Variants in ACTN4 observed in about 807,000 individuals in gnomAD.
ACTN4 encodes the protein alpha-actinin-4.
A neutral mutation model predicts 114.2 loss-of-function variants in ACTN4; 18 were observed. The ratio of observed to expected loss-of-function variants is 0.16; its 90% CI spans 0.11 to 0.23. The LOEUF is 0.23. ACTN4 is among the 10% of genes least tolerant of loss of function. ACTN4 has a pLI of 1.00. For synonymous variants in ACTN4, 515 were observed against 506.3 expected, an observed-to-expected ratio of 1.02 and a Z score of -0.23; for missense variants, 722 against 1,262.9, an observed-to-expected ratio of 0.57 and a Z score of 6.49.
Position 38,661,104 on chromosome 19 carries a change from C to T in ACTN4, c.162+13197C>T, listed in dbSNP as rs560741765. 6.5e-4 allele frequency among the ~76,000 whole-genome samples: 99 copies of T among 152,270 alleles called. 1 individual carries two copies. The highest frequency in any genetic ancestry group is 2.9e-3 in the Admixed American group (45 of 15,300). Reference sequence around the variant, plus strand: ...GAGCCCGTGGAAGAGATGGGCACAGCCAGATTGCTTAGAGCTGTGTTGTTA... The same window carrying T: ...GAGCCCGTGGAAGAGATGGGCACAGTCAGATTGCTTAGAGCTGTGTTGTTA... On this transcript the variant is annotated intron_variant, in intron 1 of 20. Transcript: ENST00000252699.
chr19:38,727,568 C>T lies in ACTN4; in HGVS notation c.2338-378C>T, dbSNP rs1012304414. Among the ~76,000 whole-genome samples, 2 of 152,128 alleles carry T rather than the reference C, an allele frequency of 1.3e-5. No homozygotes were observed. Among genetic ancestry groups the T allele is most frequent in the African/African-American group, 2.4e-5 (1 of 41,488 alleles). On this transcript the variant is annotated intron_variant, in intron 18 of 20. Coordinates refer to ENST00000252699, the MANE Select transcript of ACTN4 (RefSeq NM_004924.6). This position sits in a 1 kb window ranked among gnomAD's most constrained non-coding sequence, Gnocchi z 5.4. The stretch of plus-strand genomic sequence containing the variant: ...TGTGCAGCCTCAGCTCTGCACCTGG[C>T]GCCCCCAGGACAGGATACAGTCCCC...
chr19:38,653,484 T>C (rs1976628202), intron 1 of ACTN4, among the ~76,000 whole-genome samples: 1 of 152,080 alleles, frequency 6.6e-6, no homozygotes, highest in African/African-American at 2.4e-5. Context: ...AGGGCAAATA[T>C]AATTAGTGAA....
At chr19:38,699,132 G>A (rs1288465046) in intron 1 of ACTN4, among the ~76,000 whole-genome samples, 2 of 152,198 alleles carry the variant, frequency 1.3e-5, no homozygotes, top group East Asian at 3.8e-4. Context: ...TGCGTGGGCT[G>A]GTTTCCCTGA....
intron 11 of ACTN4, 101 bp from the exon 12 acceptor site, chr19:38,721,437 G>T (rs1272813605): frequency 6.5e-6 from 9 of 1,387,034 alleles, no homozygotes; most frequent in Non-Finnish European, 7.1e-6. Flanking sequence ...AGGATGTGGG[G>T]TCCACAGTCT....
chr19:38,654,340 T>C (rs1166885831), intron 1 of ACTN4, among the ~76,000 whole-genome samples: 1 of 151,968 alleles, frequency 6.6e-6, no homozygotes, highest in Non-Finnish European at 1.5e-5. Context: ...GGTAGGTGGA[T>C]CACGTGAGGT....
chr19:38,673,617 TTA>T (rs1336521803), intron 1 of ACTN4, among the ~76,000 whole-genome samples: 4 of 67,384 alleles, frequency 5.9e-5, no homozygotes, highest in Admixed American at 2.1e-4. Context: ...TCATTTATAT[TTA>T]TATATATTCA....
At chr19:38,679,258 G>T (rs1967472870) in intron 1 of ACTN4, among the ~76,000 whole-genome samples, 1 of 152,154 alleles carries the variant, frequency 6.6e-6, no homozygotes, top group South Asian at 2.1e-4. Context: ...TGTCTCCAGA[G>T]ACTGCCTGGT....
intron 1 of ACTN4, among the ~76,000 whole-genome samples, chr19:38,691,897 G>A (rs1417631020): frequency 6.6e-6 from 1 of 152,102 alleles, no homozygotes; most frequent in Non-Finnish European, 1.5e-5. Context: ...GCGAGACTCT[G>A]TCTCAAAACA....
At chr19:38,694,264 C>CTTT (rs563718301) in intron 1 of ACTN4, among the ~76,000 whole-genome samples, 2 of 143,794 alleles carry the variant, frequency 1.4e-5, no homozygotes, top group Non-Finnish European at 1.5e-5. Context: ...CTGGGGCCTT[C>CTTT]TTTTTTTTTT....
intron 1 of ACTN4, among the ~76,000 whole-genome samples, chr19:38,684,436 C>T (rs1967676638): frequency 6.6e-6 from 1 of 152,126 alleles, no homozygotes; most frequent in Non-Finnish European, 1.5e-5. Context: ...CCACCCTGGT[C>T]CCCCACCCCC....
chr19:38,713,330 C>T (rs1461745711), intron 8 of ACTN4, among the ~76,000 whole-genome samples: 1 of 152,256 alleles, frequency 6.6e-6, no homozygotes, highest in African/African-American at 2.4e-5. Context: ...TTGCGGCAGC[C>T]CCGTGCTCAC....
chr19:38,722,387 C>T (rs911251367), intron 12 of ACTN4, among the ~76,000 whole-genome samples: 9 of 152,198 alleles, frequency 5.9e-5, no homozygotes, highest in African/African-American at 2.2e-4. Flanking sequence ...GCTATAACTG[C>T]TCTTTCCACC....
rs1341697914 is a variant in ACTN4, at chr19:38,729,402, C to T, written c.2706C>T (p.Ser902=). The stretch of plus-strand genomic sequence containing the variant: ...GTGCCCTCGACTACAAGTCCTTCTC[C>T]ACGGCCTTGTATGGCGAGAGCGACC... ...VPGALDYKSF[S]TALYGESDL Residue 902 remains serine, a synonymous_variant, in exon 21 of 21, where the codon TCC becomes TCT. Transcript: ENST00000252699. The T allele has an allele frequency of 3.7e-6, 6 of 1,612,792 alleles. No individual in the cohort carries two copies. The highest frequency in any genetic ancestry group is 4.5e-5 in the East Asian group (2 of 44,878).
In ACTN4 at chr19:38,724,110, A is replaced by G. The variant is rs894316810; in HGVS notation, c.1692+33A>G. ...CCCCCCGGCCCCCCATCTTCCCAAG[A>G]GCCTCTGTGGGGCTGGGCCGCCCCC... On this transcript the variant is annotated intron_variant, in intron 14 of 20. Transcript: ENST00000252699. This position sits in a 1 kb window ranked among gnomAD's most constrained non-coding sequence, Gnocchi z 7.0. 1 of 1,613,442 alleles carries G rather than the reference A, an allele frequency of 6.2e-7. No homozygotes were observed. The highest frequency in any genetic ancestry group is 1.3e-5 in the African/African-American group (1 of 74,864).
intron 11 of ACTN4, among the ~76,000 whole-genome samples, chr19:38,718,815 CCA>C (rs1968934337): frequency 6.6e-6 from 1 of 152,230 alleles, no homozygotes; most frequent in Non-Finnish European, 1.5e-5. Context: ...CTTCCCTCTC[CCA>C]CACCTCTGTG....
At chr19:38,702,025 G>A (rs965572339) in intron 3 of ACTN4, among the ~76,000 whole-genome samples, 5 of 152,220 alleles carry the variant, frequency 3.3e-5, no homozygotes, top group African/African-American at 1.2e-4. Flanking sequence ...AGTCGAGGTG[G>A]TTGGTGTTTG....
chr19:38,673,496 T>TA (rs1568689432), intron 1 of ACTN4, among the ~76,000 whole-genome samples: 2 of 114,252 alleles, frequency 1.8e-5, no homozygotes, highest in East Asian at 4.7e-4. Context: ...TTCATATATA[T>TA]TTATATATAT....
chr19:38,691,647 A>G (rs1967934771), intron 1 of ACTN4, among the ~76,000 whole-genome samples: 1 of 152,112 alleles, frequency 6.6e-6, no homozygotes, highest in Non-Finnish European at 1.5e-5. Flanking sequence ...TCACGCCTGT[A>G]ATCCCAGCAC....
At chr19:38,670,535 C>T (rs1435924255) in intron 1 of ACTN4, among the ~76,000 whole-genome samples, 3 of 152,108 alleles carry the variant, frequency 2.0e-5, no homozygotes, top group African/African-American at 7.2e-5. Context: ...ACTGGGGTGG[C>T]CACTGCAGAG....
Sources: allele counts gnomAD v4.1 joint callset (sites outside exome capture counted in the v4.1 genomes callset), GRCh38; gene constraint gnomAD v4.1.1; non-coding constraint Gnocchi (gnomAD v3.1); transcripts MANE v1.5; gene names NCBI Gene and HGNC (gene_info 2026-07-23, HGNC 2026-07-21).